KCNAB1: variants seen among roughly 807,000 people sequenced by gnomAD.
KCNAB1 encodes voltage-gated potassium channel subunit beta-1.
A neutral mutation model predicts 64.6 loss-of-function variants in KCNAB1; 35 were observed. The observed-to-expected ratio is 0.54, with a 90% CI of 0.41 to 0.72. The LOEUF (loss-of-function observed/expected upper bound fraction) is 0.72, where lower values mean the gene tolerates loss of function less well. KCNAB1 is among the 30% of genes least tolerant of loss of function. The probability of loss-of-function intolerance (pLI) is 0.00; values close to 1 mark genes in which losing one functional copy is unlikely to be tolerated. For missense variants in KCNAB1, 401 were observed against 512.9 expected (o/e 0.78, Z 2.11); for synonymous variants, 177 against 183.8 (o/e 0.96, Z 0.30).
chr3:156,179,322 C>A (rs1188607350), intron 1 of KCNAB1, among the ~76,000 whole-genome samples: 1 of 151,822 alleles, frequency 6.6e-6, no homozygotes, highest in East Asian at 1.9e-4. Flanking sequence ...TCCATTTATA[C>A]CTTTCCTTTC....
chr3:156,471,375 C>A (rs1317915206), intron 7 of KCNAB1, among the ~76,000 whole-genome samples: 1 of 152,092 alleles, frequency 6.6e-6, no homozygotes, highest in Non-Finnish European at 1.5e-5. Flanking sequence ...TTACTGTAGT[C>A]ACTTGAAAAC....
At chr3:156,317,280 C>T (rs775791267) in intron 1 of KCNAB1, among the ~76,000 whole-genome samples, 2 of 152,104 alleles carry the variant, frequency 1.3e-5, no homozygotes, top group Non-Finnish European at 2.9e-5. Flanking sequence ...TTTCACATTG[C>T]GTCTGGTGAC....
chr3:156,255,595 G>A (rs1418947601), intron 1 of KCNAB1, among the ~76,000 whole-genome samples: 2 of 152,134 alleles, frequency 1.3e-5, no homozygotes, highest in Non-Finnish European at 2.9e-5. Flanking sequence ...GCTGTGGTCT[G>A]CATTTGCCCA....
intron 11 of KCNAB1, among the ~76,000 whole-genome samples, chr3:156,523,529 A>G (rs368825770): frequency 6.6e-6 from 1 of 152,098 alleles, no homozygotes; most frequent in South Asian, 2.1e-4. Context: ...TACTTCTTCT[A>G]TTGGACAGGC....
At chr3:156,307,609 G>A (rs192655344) in intron 1 of KCNAB1, among the ~76,000 whole-genome samples, 1 of 152,224 alleles carries the variant, frequency 6.6e-6, no homozygotes, top group African/African-American at 2.4e-5. Flanking sequence ...CTCTGAGAGA[G>A]GAGAACCCAA....
At chr3:156,148,962 T>G (rs1195519080) in intron 1 of KCNAB1, among the ~76,000 whole-genome samples, 1 of 152,062 alleles carries the variant, frequency 6.6e-6, no homozygotes, top group Non-Finnish European at 1.5e-5. Context: ...CCTCAGGAAG[T>G]GTGGGAATAA....
intron 1 of KCNAB1, among the ~76,000 whole-genome samples, chr3:156,232,909 C>T (rs879488192): frequency 2.5e-4 from 38 of 151,034 alleles, no homozygotes; most frequent in African/African-American, 7.6e-4. Flanking sequence ...CATTTTTTTT[C>T]GCTTCCTTTC....
intron 8 of KCNAB1, among the ~76,000 whole-genome samples, chr3:156,499,245 T>G (rs142797116): frequency 6.6e-6 from 1 of 152,350 alleles, no homozygotes; most frequent in Non-Finnish European, 1.5e-5. Flanking sequence ...CTTGCAGTCC[T>G]GATTTGGCTC....
intron 1 of KCNAB1, among the ~76,000 whole-genome samples, chr3:156,142,384 A>G (rs1310942602): frequency 6.6e-6 from 1 of 152,172 alleles, no homozygotes; most frequent in Non-Finnish European, 1.5e-5. Context: ...ATAGTTTTAC[A>G]TTTTACATTT....
intron 1 of KCNAB1, among the ~76,000 whole-genome samples, chr3:156,193,057 C>T (rs1451854860): frequency 6.6e-6 from 1 of 151,848 alleles, no homozygotes; most frequent in South Asian, 2.1e-4. Context: ...TTGTTTTCTA[C>T]TTGTCTTATC....
chr3:156,226,578 A>G (rs1309560862), intron 1 of KCNAB1, among the ~76,000 whole-genome samples: 1 of 152,224 alleles, frequency 6.6e-6, no homozygotes, highest in Non-Finnish European at 1.5e-5. Context: ...ATTAAACTAA[A>G]AAGCTCCTGC....
intron 1 of KCNAB1, among the ~76,000 whole-genome samples, chr3:156,311,187 A>T (rs989635958): frequency 6.4e-4 from 97 of 152,328 alleles, no homozygotes; most frequent in African/African-American, 2.3e-3. Flanking sequence ...GCAGGGCTGA[A>T]TCTTAGAACG....
At chr3:156,297,131 A>AT (rs1720838165) in intron 1 of KCNAB1, among the ~76,000 whole-genome samples, 2 of 152,174 alleles carry the variant, frequency 1.3e-5, no homozygotes, top group South Asian at 4.2e-4. Context: ...CATGTTACCC[A>AT]TTTCTGTCCA....
chr3:156,391,522 C>T (rs11706548), intron 1 of KCNAB1, among the ~76,000 whole-genome samples: 22,245 of 152,172 alleles, frequency 0.15, 1,902 homozygotes, highest in Middle Eastern at 0.21. Flanking sequence ...CCCTAAATTT[C>T]AGGAAAGTGC....
intron 1 of KCNAB1, among the ~76,000 whole-genome samples, chr3:156,342,493 C>T (rs554203917): frequency 9.9e-5 from 15 of 152,084 alleles, no homozygotes; most frequent in African/African-American, 3.1e-4. Flanking sequence ...TTAAAAATAC[C>T]CATGCACAGA....
At chr3:156,322,082 C>G (rs1313947233) in intron 1 of KCNAB1, among the ~76,000 whole-genome samples, 2 of 152,176 alleles carry the variant, frequency 1.3e-5, no homozygotes, top group African/African-American at 4.8e-5. Context: ...CTTCAGGATC[C>G]CTTCAGCCTA....
At chr3:156,329,203 C>T (rs150170996) in intron 1 of KCNAB1, among the ~76,000 whole-genome samples, 144 of 152,068 alleles carry the variant, frequency 9.5e-4, no homozygotes, top group African/African-American at 3.3e-3. Flanking sequence ...AGAGGCAGGG[C>T]GAAAATTTGA....
chr3:156,402,270 T>A (rs1467133607), intron 1 of KCNAB1, among the ~76,000 whole-genome samples: 1 of 152,132 alleles, frequency 6.6e-6, no homozygotes, highest in Non-Finnish European at 1.5e-5. Context: ...GAATCTAGTA[T>A]CTCTAAATAT....
At chr3:156,279,787 A>C (rs1719580297) in intron 1 of KCNAB1, among the ~76,000 whole-genome samples, 1 of 152,066 alleles carries the variant, frequency 6.6e-6, no homozygotes. Context: ...GTCTGTTCAT[A>C]TCCTTTGCCC....
Sources: allele counts gnomAD v4.1 joint callset (sites outside exome capture counted in the v4.1 genomes callset), GRCh38; gene constraint gnomAD v4.1.1; transcripts MANE v1.5; gene names NCBI Gene and HGNC (gene_info 2026-07-23, HGNC 2026-07-21).